The following HS3ST4 variants were observed in gnomAD, a reference collection of about 807,000 sequenced individuals.
HS3ST4 encodes the protein heparan sulfate-glucosamine 3-sulfotransferase 4, also known as heparan sulfate glucosamine 3-O-sulfotransferase 4.
Under a neutral mutation model 29.2 loss-of-function variants are expected in HS3ST4, and 17 were observed. That is an observed-to-expected ratio of 0.58 (90% CI 0.40 to 0.87). HS3ST4 has a LOEUF of 0.87. Ranked by LOEUF, HS3ST4 falls within the 40% of genes least tolerant of loss-of-function variation. The pLI, the probability that HS3ST4 is intolerant of heterozygous loss-of-function variation, is 0.00. For synonymous variants in HS3ST4, 314 were observed against 285.7 expected, an observed-to-expected ratio of 1.10 and a Z score of -1.00; for missense variants, 627 against 634.5, an observed-to-expected ratio of 0.99 and a Z score of 0.13.
At chr16:26,061,552 A>G (rs1898476368) in intron 1 of HS3ST4, among the ~76,000 whole-genome samples, 1 of 152,188 alleles carries the variant, frequency 6.6e-6, no homozygotes, top group Non-Finnish European at 1.5e-5. Context: ...AACTTGGCCT[A>G]CTTTTGACTT....
In HS3ST4 at chr16:26,046,220, G is replaced by A. The variant is rs542752896; in HGVS notation, c.735-89392G>A. On this transcript the variant is annotated intron_variant, in intron 1 of 1. Transcript: ENST00000331351. ...GGCTGGAGTGCAATGGCGTGATCTCGGCTCACTGCAACCTCTGCCTCCCAG... is the reference window on the plus strand; with the variant it reads ...GGCTGGAGTGCAATGGCGTGATCTCAGCTCACTGCAACCTCTGCCTCCCAG... 1.9e-4 allele frequency among the ~76,000 whole-genome samples: 28 copies of A among 148,258 alleles called. No homozygotes were observed. The South Asian group carries it at 2.6e-3, about 14-fold the overall frequency.
chr16:25,744,664 T>A (rs1022693443), intron 1 of HS3ST4, among the ~76,000 whole-genome samples: 3 of 152,146 alleles, frequency 2.0e-5, no homozygotes, highest in Non-Finnish European at 4.4e-5. Context: ...CCCACCCAAA[T>A]CTCATCTTGA....
chr16:26,006,941 A>T (rs535262113), intron 1 of HS3ST4, among the ~76,000 whole-genome samples: 1 of 152,240 alleles, frequency 6.6e-6, no homozygotes, highest in Non-Finnish European at 1.5e-5. Flanking sequence ...AGCTTGGCCC[A>T]AGCCCAGAAA....
intron 1 of HS3ST4, among the ~76,000 whole-genome samples, chr16:25,835,411 A>G (rs956861385): frequency 6.6e-6 from 1 of 152,104 alleles, no homozygotes; most frequent in Non-Finnish European, 1.5e-5. Context: ...TTATATTTCA[A>G]AGTATTGTCT....
chr16:26,080,302 T>C (rs1898710577), intron 1 of HS3ST4, among the ~76,000 whole-genome samples: 1 of 152,126 alleles, frequency 6.6e-6, no homozygotes, highest in African/African-American at 2.4e-5. Context: ...AGTCCCTACC[T>C]TCAAGTTTTG....
chr16:25,820,947 T>C (rs887225720), intron 1 of HS3ST4, among the ~76,000 whole-genome samples: 5 of 152,136 alleles, frequency 3.3e-5, no homozygotes, highest in Admixed American at 2.6e-4. Context: ...AATTGATGAA[T>C]GAAGAGTTTA....
intron 1 of HS3ST4, among the ~76,000 whole-genome samples, chr16:26,109,185 A>G (rs2141801837): frequency 6.6e-6 from 1 of 152,332 alleles, no homozygotes; most frequent in South Asian, 2.1e-4. Context: ...TAAAATATTT[A>G]CAGCTAATTC....
intron 1 of HS3ST4, among the ~76,000 whole-genome samples, chr16:25,976,934 G>A (rs200687307): frequency 1.0e-4 from 15 of 143,988 alleles, no homozygotes; most frequent in East Asian, 8.1e-4. Context: ...TTTTCACGTC[G>A]CAAAATATTT....
Position 25,794,973 on chromosome 16 carries a change from C to CT in HS3ST4, c.734+101837dup, listed in dbSNP as rs58579462. On this transcript the variant is annotated intron_variant, in intron 1 of 1. Transcript: ENST00000331351. ...CATAATTTTCATCTTTTTTTCTTTA[C>CT]TTTTTTTTTTTTTTTGGTGATGCAG... 5.0e-3 allele frequency among the ~76,000 whole-genome samples: 628 copies of CT among 126,092 alleles called. 14 individuals are homozygous for CT. The highest frequency in any genetic ancestry group is 0.026 in the Middle Eastern group (6 of 232). 82.7% of individuals were successfully genotyped at this position (126,092 alleles called of 152,430 possible).
intron 1 of HS3ST4, among the ~76,000 whole-genome samples, chr16:25,788,818 G>A (rs1966862107): frequency 1.3e-5 from 2 of 151,946 alleles, no homozygotes; most frequent in Admixed American, 6.6e-5. Context: ...GAGACTACAG[G>A]TATGAGCCAT....
At chr16:25,695,522 C>T (rs1966288647) in intron 1 of HS3ST4, among the ~76,000 whole-genome samples, 1 of 152,208 alleles carries the variant, frequency 6.6e-6, no homozygotes, top group African/African-American at 2.4e-5. Flanking sequence ...TCAGTTCCAT[C>T]TATCTCTTCA....
intron 1 of HS3ST4, among the ~76,000 whole-genome samples, chr16:25,835,105 A>G (rs1016009543): frequency 6.6e-6 from 1 of 152,206 alleles, no homozygotes; most frequent in Admixed American, 6.5e-5. Context: ...GCTAAGTGAT[A>G]GGTGTGTTGG....
intron 1 of HS3ST4, among the ~76,000 whole-genome samples, chr16:25,735,772 GCTGA>G (rs1490326057): frequency 1.3e-5 from 2 of 152,124 alleles, no homozygotes; most frequent in African/African-American, 4.8e-5. Context: ...AAGTTTTAAG[GCTGA>G]CTTTCACTGG....
At chr16:25,979,609 G>C (rs1427512494) in intron 1 of HS3ST4, among the ~76,000 whole-genome samples, 2 of 152,094 alleles carry the variant, frequency 1.3e-5, no homozygotes, top group Non-Finnish European at 2.9e-5. Flanking sequence ...CAAACTCAGG[G>C]CTCCCACTGA....
intron 1 of HS3ST4, among the ~76,000 whole-genome samples, chr16:26,074,521 A>T (rs1466846137): frequency 1.3e-5 from 2 of 152,184 alleles, no homozygotes; most frequent in Non-Finnish European, 2.9e-5. Context: ...CTGGAGCTGG[A>T]GCATCCATCT....
intron 1 of HS3ST4, among the ~76,000 whole-genome samples, chr16:26,075,353 T>C (rs999526595): frequency 2.0e-5 from 3 of 152,204 alleles, no homozygotes; most frequent in African/African-American, 7.2e-5. Flanking sequence ...ATGACCATCA[T>C]TAACAAGTCT....
At chr16:25,958,773 T>A (rs1225691681) in intron 1 of HS3ST4, among the ~76,000 whole-genome samples, 2 of 152,192 alleles carry the variant, frequency 1.3e-5, no homozygotes, top group East Asian at 3.8e-4. Context: ...AGGGTAGTTC[T>A]CTTCCACGGA....
intron 1 of HS3ST4, among the ~76,000 whole-genome samples, chr16:25,859,337 GTACTATGAGTT>G (rs2141653869): frequency 6.6e-6 from 1 of 152,280 alleles, no homozygotes; most frequent in South Asian, 2.1e-4. Flanking sequence ...TCTCATAGCT[GTACTATGAGTT>G]TACTATAGCA....
chr16:26,008,789 A>G (rs1969282349), intron 1 of HS3ST4, among the ~76,000 whole-genome samples: 1 of 152,208 alleles, frequency 6.6e-6, no homozygotes, highest in Non-Finnish European at 1.5e-5. Flanking sequence ...ACTACACTCC[A>G]GCCTGGGCGA....
Sources: gnomAD v4.1 joint callset for allele counts (sites outside exome capture counted in the v4.1 genomes callset) on GRCh38, gnomAD v4.1.1 for gene constraint, MANE v1.5 for transcripts, NCBI Gene and HGNC (gene_info 2026-07-23, HGNC 2026-07-21) for gene names.